Variants in CIBAR1 observed in about 807,000 individuals in gnomAD.
CIBAR1 encodes CBY1 interacting BAR domain containing 1.
In CIBAR1, 25 loss-of-function variants were observed where a neutral mutation model predicts 44.0. That is an observed-to-expected ratio of 0.57 (90% CI 0.41 to 0.79). The LOEUF (loss-of-function observed/expected upper bound fraction) is 0.79. Among genes scored for constraint, CIBAR1 ranks in the 30% least tolerant of loss-of-function variants. The pLI is 0.00. For missense variants in CIBAR1, 278 were observed against 344.8 expected, an observed-to-expected ratio of 0.81 and a Z score of 1.53; for synonymous variants, 115 against 119.0, an observed-to-expected ratio of 0.97 and a Z score of 0.22.
chr8:93,705,299 G>T, intron 4 of CIBAR1: 1 of 384,512 alleles, frequency 2.6e-6, no homozygotes, highest in Non-Finnish European at 4.6e-6. Context: ...ATTTTCACAT[G>T]GTGATGACTA....
intron 7 of CIBAR1, among the ~76,000 whole-genome samples, chr8:93,722,731 T>G (rs1357170558): frequency 3.3e-5 from 5 of 152,152 alleles, no homozygotes; most frequent in African/African-American, 4.8e-5. Flanking sequence ...AGGTCACCTC[T>G]GTATTAACTT....
Position 93,700,572 on chromosome 8 carries a change from C to A in CIBAR1, c.-76C>A. On this transcript the variant is annotated 5_prime_UTR_variant, in exon 1 of 9. Coordinates refer to ENST00000518322, the MANE Select transcript of CIBAR1 (RefSeq NM_145269.5). ...TTCAGGCTCCCGGCGGCTGCTTGCG[C>A]CCCAGCGCGCGCCCAGGCGCCTTGG... is the stretch of plus-strand genomic sequence containing the variant. 1 of 1,402,886 alleles carries A rather than the reference C, an allele frequency of 7.1e-7. No individual in the cohort carries two copies. The highest frequency in any genetic ancestry group is 9.3e-7 in the Non-Finnish European group (1 of 1,077,994). 86.9% of individuals were successfully genotyped at this position (1,402,886 alleles called of 1,614,324 possible).
In CIBAR1 at chr8:93,731,002, A is replaced by C. The variant is rs193194721; in HGVS notation, c.*2705A>C. ...ACAGTGAGACTCTGTCTCTACAAATAATAAAAAATTTAGCCAGACAAGGTG... is the reference window on the plus strand; with the variant it reads ...ACAGTGAGACTCTGTCTCTACAAATCATAAAAAATTTAGCCAGACAAGGTG... On this transcript the variant is annotated 3_prime_UTR_variant, in exon 9 of 9. Coordinates refer to ENST00000518322, the MANE Select transcript of CIBAR1 (RefSeq NM_145269.5). 6.6e-6 allele frequency: 1 copy of C among 152,286 alleles called. No homozygotes were observed. The highest frequency in any genetic ancestry group is 1.5e-5 in the Non-Finnish European group (1 of 68,038). The allele number at this position is 152,286 out of a possible 1,614,324, so 9.4% of individuals were successfully genotyped here.
intron 6 of CIBAR1, among the ~76,000 whole-genome samples, chr8:93,713,497 A>T (rs926103311): frequency 2.0e-5 from 3 of 152,226 alleles, no homozygotes; most frequent in East Asian, 1.9e-4. Flanking sequence ...TTTAATTTTC[A>T]TGAAATCCAA....
intron 6 of CIBAR1, among the ~76,000 whole-genome samples, chr8:93,716,889 A>G: frequency 6.6e-6 from 1 of 152,246 alleles, no homozygotes. Context: ...AATATCCTAT[A>G]CGCTGGAGAG....
At chr8:93,704,496 G>A (rs187693725) in intron 3 of CIBAR1, among the ~76,000 whole-genome samples, 23 of 152,076 alleles carry the variant, frequency 1.5e-4, no homozygotes, top group African/African-American at 5.1e-4. Flanking sequence ...ATGCTAGCTC[G>A]CCCACCACTC....
chr8:93,725,532 A>G (rs983026036), intron 7 of CIBAR1, among the ~76,000 whole-genome samples: 5 of 152,180 alleles, frequency 3.3e-5, no homozygotes, highest in African/African-American at 4.8e-5. Flanking sequence ...AATGGAAAAG[A>G]AATTTGTTTA....
At chr8:93,711,103 A>G (rs554353219) in intron 6 of CIBAR1, among the ~76,000 whole-genome samples, 1 of 152,222 alleles carries the variant, frequency 6.6e-6, no homozygotes, top group South Asian at 2.1e-4. Context: ...TCTAACACAT[A>G]TGTAGATTTG....
intron 6 of CIBAR1, chr8:93,715,711 A>G (rs1345113304): frequency 2.0e-5 from 3 of 152,226 alleles, no homozygotes; most frequent in African/African-American, 7.2e-5. Flanking sequence ...ACTTATGGAT[A>G]TATTTATGCC....
intron 8 of CIBAR1, 102 bp from the exon 9 acceptor site, chr8:93,728,103 A>G: frequency 1.8e-6 from 1 of 570,324 alleles, no homozygotes; most frequent in Non-Finnish European, 2.7e-6. Flanking sequence ...ATTTTTTTGA[A>G]ATATTTGTTG....
chr8:93,705,243 A>C (rs1176089006), intron 4 of CIBAR1: 6 of 431,156 alleles, frequency 1.4e-5, no homozygotes, highest in Non-Finnish European at 2.4e-5. Flanking sequence ...AACAAACAAA[A>C]AATTCAGATG....
chr8:93,727,320 T>C (rs926275186), intron 8 of CIBAR1: 8 of 613,832 alleles, frequency 1.3e-5, no homozygotes, highest in Non-Finnish European at 1.9e-5. Flanking sequence ...TGTATGTATC[T>C]CTCCCCCAAC....
At chr8:93,720,605 C>T (rs1411727551) in intron 7 of CIBAR1, among the ~76,000 whole-genome samples, 6 of 152,130 alleles carry the variant, frequency 3.9e-5, no homozygotes, top group Non-Finnish European at 1.5e-5. Context: ...GCACAGTGGC[C>T]CACACCTGCA....
rs1402126298 is a variant in CIBAR1, at chr8:93,723,512, C to G, written c.658-2882C>G. Among the ~76,000 whole-genome samples, 3 of 151,286 alleles carry G rather than the reference C, an allele frequency of 2.0e-5. No homozygotes were observed. The East Asian group carries it at 5.9e-4, about 30-fold the overall frequency. ...ACCCCCTAATTTAGGTCTCCTTTTC[C>G]CCCCCTCATAGATGTTAATTAAATT... On this transcript the variant is annotated intron_variant, in intron 7 of 8. Coordinates refer to ENST00000518322, the MANE Select transcript of CIBAR1 (RefSeq NM_145269.5).
chr8:93,703,335 A>G (rs1433942000), intron 2 of CIBAR1, among the ~76,000 whole-genome samples: 2 of 152,260 alleles, frequency 1.3e-5, no homozygotes, highest in East Asian at 1.9e-4. Flanking sequence ...TGTTAGCTGT[A>G]TTAAAATTTG....
At position 93,728,236 on chromosome 8, in the gene CIBAR1, A is replaced by T. The variant is rs756303413; in HGVS notation, c.809A>T (p.Gln270Leu). Residue 270 changes from glutamine to leucine, a missense_variant, in exon 9 of 9, where the codon CAA (glutamine) becomes CTA (leucine). Transcript: ENST00000518322. ...VSTCRLRKDQ[Q>L]AEDDEDDELD... ...ACTTGTCGACTAAGAAAGGATCAAC[A>T]AGCAGAAGATGATGAGGATGACGAG... 1.8e-5 allele frequency: 28 copies of T among 1,598,724 alleles called. No homozygotes were observed. The highest frequency in any genetic ancestry group is 1.9e-5 in the Non-Finnish European group (22 of 1,175,676).
At chr8:93,719,920 AAT>A (rs1044130862) in intron 7 of CIBAR1, 43 of 152,156 alleles carry the variant, frequency 2.8e-4, no homozygotes, top group African/African-American at 1.0e-3. Context: ...GTATTAATAA[AAT>A]ATGGAAGTGT....
intron 3 of CIBAR1, among the ~76,000 whole-genome samples, chr8:93,704,442 C>G (rs1257258071): frequency 6.6e-6 from 1 of 152,208 alleles, no homozygotes; most frequent in Non-Finnish European, 1.5e-5. Flanking sequence ...CTATGAGAAT[C>G]TGATGCTGCC....
chr8:93,707,444 T>A (rs1810641988), intron 4 of CIBAR1, among the ~76,000 whole-genome samples: 1 of 152,130 alleles, frequency 6.6e-6, no homozygotes, highest in African/African-American at 2.4e-5. Context: ...AATTTTAAAA[T>A]GAAAATATCA....
Sources: allele counts gnomAD v4.1 joint callset (sites outside exome capture counted in the v4.1 genomes callset), GRCh38; gene constraint gnomAD v4.1.1; transcripts MANE v1.5; gene names NCBI Gene and HGNC (gene_info 2026-07-23, HGNC 2026-07-21).